The following GRM3 variants were observed in gnomAD, a reference collection of about 807,000 sequenced individuals.
GRM3 encodes metabotropic glutamate receptor 3.
GRM3 carries 26 observed loss-of-function variants against 70.5 expected under a neutral mutation model. That is an observed-to-expected ratio of 0.37 (90% confidence interval 0.27 to 0.51). GRM3 has a LOEUF of 0.51. Among genes scored for constraint, GRM3 ranks in the 20% least tolerant of loss-of-function variants. GRM3 has a pLI of 0.93. For synonymous variants in GRM3, 443 were observed against 434.9 expected (o/e 1.02, Z -0.23); for missense variants, 859 against 1,123.8 (o/e 0.76, Z 3.37).
At chr7:86,681,399 G>A (rs578019859) in intron 1 of GRM3, among the ~76,000 whole-genome samples, 8 of 151,990 alleles carry the variant, frequency 5.3e-5, no homozygotes, top group South Asian at 4.1e-4. Context: ...TCTCATTCAC[G>A]TTTTCTTTTT....
chr7:86,808,690 CCTCA>C (rs1364420911), intron 3 of GRM3, among the ~76,000 whole-genome samples: 6 of 151,946 alleles, frequency 3.9e-5, no homozygotes, highest in Admixed American at 2.6e-4. Context: ...TCAAAAGAAA[CCTCA>C]CTGACAGTTT....
intron 3 of GRM3, among the ~76,000 whole-genome samples, chr7:86,794,138 G>T (rs1797492659): frequency 1.3e-5 from 2 of 151,910 alleles, no homozygotes; most frequent in Admixed American, 1.3e-4. Flanking sequence ...TCCCTTTCAA[G>T]ATAGCTTGTA....
chr7:86,810,717 G>T (rs1350177020), intron 3 of GRM3, among the ~76,000 whole-genome samples: 1 of 151,874 alleles, frequency 6.6e-6, no homozygotes, highest in Non-Finnish European at 1.5e-5. Context: ...GCCCCAAATG[G>T]TTGTATTGAC....
intron 3 of GRM3, among the ~76,000 whole-genome samples, chr7:86,813,354 A>T (rs1309565764): frequency 6.6e-6 from 1 of 151,894 alleles, no homozygotes; most frequent in East Asian, 1.9e-4. Context: ...CATCCAAAAT[A>T]TCTTAATCTC....
rs776290250 is a variant in GRM3, at chr7:86,765,449, G to T, written c.304G>T (p.Asp102Tyr). 1 of 1,613,910 alleles carries T rather than the reference G, an allele frequency of 6.2e-7. No homozygotes were observed. Among genetic ancestry groups the T allele is most frequent in the South Asian group, 1.1e-5 (1 of 91,074 alleles). ...TCACATTTTGGATACATGTTCAAGG[G>T]ATACCTATGCATTGGAGCAATCACT... Reference protein sequence around the residue: ...GVHILDTCSRDTYALEQSLEF... With the variant: ...GVHILDTCSRYTYALEQSLEF... The change falls in exon 2 of 6, where the codon GAT (aspartate) becomes TAT (tyrosine). Residue 102 changes from aspartate to tyrosine, a missense_variant. Transcript: ENST00000361669.
intron 1 of GRM3, among the ~76,000 whole-genome samples, chr7:86,746,031 T>C (rs905852749): frequency 6.6e-6 from 1 of 152,034 alleles, no homozygotes; most frequent in Non-Finnish European, 1.5e-5. Context: ...TTGATAAGTA[T>C]TTTGTTTCCC....
At chr7:86,816,056 G>A (rs1798008684) in intron 3 of GRM3, among the ~76,000 whole-genome samples, 1 of 151,890 alleles carries the variant, frequency 6.6e-6, no homozygotes, top group Non-Finnish European at 1.5e-5. Context: ...AGTTTCATGA[G>A]TACCTGGAAG....
intron 1 of GRM3, among the ~76,000 whole-genome samples, chr7:86,730,779 C>T (rs747681355): frequency 5.9e-5 from 9 of 152,156 alleles, no homozygotes; most frequent in Non-Finnish European, 1.2e-4. Flanking sequence ...TTTTCCACTG[C>T]AACTAATACG....
Position 86,782,263 on chromosome 7 carries a change from T to C in GRM3, c.469-3998T>C, listed in dbSNP as rs558813516. Among the ~76,000 whole-genome samples, 8 of 152,244 alleles carry C rather than the reference T, an allele frequency of 5.3e-5. No homozygotes were observed. The East Asian group carries it at 1.5e-3, about 29-fold the overall frequency. On this transcript the variant is annotated intron_variant, in intron 2 of 5. Transcript: ENST00000361669. ...AGAATTATTGATAGTGATTTCATAA[T>C]GTAATCTGCAATTTCTTCCAGAATT...
chr7:86,660,977 C>A (rs1793877395), intron 1 of GRM3, among the ~76,000 whole-genome samples: 1 of 151,872 alleles, frequency 6.6e-6, no homozygotes, highest in Non-Finnish European at 1.5e-5. Context: ...AGAAAGCCAA[C>A]AACAAATGAA....
chr7:86,688,654 T>G (rs1051725032), intron 1 of GRM3, among the ~76,000 whole-genome samples: 1 of 150,572 alleles, frequency 6.6e-6, no homozygotes, highest in African/African-American at 2.4e-5. Context: ...GAACATTATA[T>G]CCAACAATTG....
rs1408415559 is a variant in GRM3, at chr7:86,839,165, T to A, written c.1651T>A (p.Ser551Thr). 1.1e-5 allele frequency: 18 copies of A among 1,613,628 alleles called. No individual in the cohort carries two copies. Among genetic ancestry groups the A allele is most frequent in the Non-Finnish European group, 1.2e-5 (14 of 1,179,722 alleles). Residue 551 changes from serine to threonine, a missense_variant, in exon 4 of 6, where the codon TCT (serine) becomes ACT (threonine). Ser to Thr is a moderately conservative substitution (Grantham distance 58, BLOSUM62 1). Transcript: ENST00000361669. The surrounding 1 kb of genome is among the most constrained non-coding windows in gnomAD (Gnocchi z 4.5). ...TGAGTTTACCTGTATGGATTGTGGG[T>A]CTGGACAGTGGCCCACTGCAGACCT... is the stretch of plus-strand genomic sequence containing the variant. The part of the protein sequence containing the change: ...ADEFTCMDCG[S>T]GQWPTADLTG...
intron 1 of GRM3, among the ~76,000 whole-genome samples, chr7:86,686,673 C>CA (rs569158445): frequency 7.2e-5 from 11 of 151,948 alleles, no homozygotes; most frequent in Admixed American, 2.6e-4. Flanking sequence ...CTATAGCTGA[C>CA]AAAAAACAAA....
At chr7:86,841,742 TTTA>T (rs1428985538) in intron 4 of GRM3, among the ~76,000 whole-genome samples, 2 of 152,168 alleles carry the variant, frequency 1.3e-5, no homozygotes, top group African/African-American at 2.4e-5. Flanking sequence ...AAAATTTAAT[TTTA>T]TTGAGTGAAT....
chr7:86,764,192 A>G (rs935493218), intron 1 of GRM3, among the ~76,000 whole-genome samples: 1 of 152,078 alleles, frequency 6.6e-6, no homozygotes, highest in Admixed American at 6.6e-5. Context: ...GTGGTAGTTG[A>G]AACTGAAAAT....
intron 1 of GRM3, among the ~76,000 whole-genome samples, chr7:86,647,187 A>G (rs1444082955): frequency 6.6e-6 from 1 of 152,230 alleles, no homozygotes; most frequent in Non-Finnish European, 1.5e-5. Context: ...ATTCTCAGCA[A>G]TAACATTTTA....
intron 5 of GRM3, among the ~76,000 whole-genome samples, chr7:86,860,336 A>T (rs1798930967): frequency 6.6e-6 from 1 of 152,192 alleles, no homozygotes; most frequent in East Asian, 1.9e-4. Flanking sequence ...TATTTATGAA[A>T]AGCAAAGTAA....
At chr7:86,687,018 T>C (rs1021300892) in intron 1 of GRM3, among the ~76,000 whole-genome samples, 9 of 151,948 alleles carry the variant, frequency 5.9e-5, no homozygotes, top group Admixed American at 5.9e-4. Context: ...ATAGATAATT[T>C]AGTGAACTAA....
intron 1 of GRM3, among the ~76,000 whole-genome samples, chr7:86,652,091 A>G (rs941599222): frequency 4.6e-5 from 7 of 152,326 alleles, no homozygotes; most frequent in Admixed American, 3.9e-4. Context: ...CTTGTCTAAG[A>G]CAAGCCCTTC....
Sources: gnomAD v4.1 joint callset for allele counts (sites outside exome capture counted in the v4.1 genomes callset) on GRCh38, gnomAD v4.1.1 for gene constraint, Gnocchi (gnomAD v3.1) non-coding constraint, MANE v1.5 for transcripts, NCBI Gene and HGNC (gene_info 2026-07-23, HGNC 2026-07-21) for gene names.